The following ERG variants were observed in gnomAD, a reference collection of about 807,000 sequenced individuals.
The protein encoded by ERG is ETS transcription factor ERG.
A neutral mutation model predicts 55.3 loss-of-function variants in ERG; 9 were observed. The ratio of observed to expected loss-of-function variants is 0.16; its 90% CI spans 0.10 to 0.28. The LOEUF (loss-of-function observed/expected upper bound fraction) is 0.28, where lower values mean the gene tolerates loss of function less well. Ranked by LOEUF, ERG falls within the 10% of genes least tolerant of loss-of-function variation. The pLI, the probability that ERG is intolerant of heterozygous loss-of-function variation, is 1.00. For missense variants in ERG, 434 were observed against 631.6 expected (o/e 0.69, Z 3.35); for synonymous variants, 223 against 237.3 (o/e 0.94, Z 0.55).
chr21:38,402,685 G>T (rs528821982), intron 4 of ERG, 48 bp from the exon 5 acceptor site: 6 of 688,726 alleles, frequency 8.7e-6, no homozygotes, highest in Non-Finnish European at 1.1e-5. Context: ...AAAAAAGAGA[G>T]AGAGAGAAAG....
At chr21:38,505,323 C>T (rs564044062) in intron 2 of ERG, among the ~76,000 whole-genome samples, 6 of 152,298 alleles carry the variant, frequency 3.9e-5, no homozygotes. Flanking sequence ...ATCCTCTCCA[C>T]CTGAGCCCTC....
In ERG at chr21:38,615,618, G is replaced by T. The variant is rs1437507450; in HGVS notation, c.-149-30673C>A. Among the ~76,000 whole-genome samples, 7 of 150,352 alleles carry T rather than the reference G, an allele frequency of 4.7e-5. No individual in the cohort carries two copies. In the Admixed American group the frequency reaches 4.7e-4, roughly 10 times the overall value. On this transcript the variant is annotated intron_variant, in intron 1 of 10. Transcript: ENST00000398910. ...GAGGTAGCTATAAAGATTTTGAGAT[G>T]AAGTCTGTAAAGCATCTAGTATGTA...
intron 9 of ERG, among the ~76,000 whole-genome samples, chr21:38,386,228 G>T (rs368137660): frequency 1.6e-4 from 25 of 152,274 alleles, no homozygotes; most frequent in African/African-American, 5.5e-4. Flanking sequence ...TAAAGACATA[G>T]GGCTCAGGAC....
intron 1 of ERG, among the ~76,000 whole-genome samples, chr21:38,465,241 T>C (rs2059077928): frequency 6.6e-6 from 1 of 152,140 alleles, no homozygotes; most frequent in African/African-American, 2.4e-5. Context: ...AAGTTCCCCA[T>C]GAAAAGAGAT....
chr21:38,525,099 G>A (rs1033835108), intron 2 of ERG, among the ~76,000 whole-genome samples: 3 of 152,272 alleles, frequency 2.0e-5, no homozygotes, highest in Admixed American at 2.0e-4. Flanking sequence ...TGTGACTACA[G>A]AAAGAGACAA....
Position 38,382,286 on chromosome 21 carries a change from G to A in ERG, c.*1117C>T, listed in dbSNP as rs942779870. The A allele has an allele frequency of 3.1e-5, 33 of 1,052,960 alleles. No individual in the cohort carries two copies. Among genetic ancestry groups the A allele is most frequent in the Admixed American group, 5.5e-5 (1 of 18,264 alleles). 65.2% of individuals were successfully genotyped at this position (1,052,960 alleles called of 1,614,324 possible). On this transcript the variant is annotated 3_prime_UTR_variant, in exon 10 of 10. Transcript: ENST00000288319. ...TCATTCTGACAAACGCACAGCGTTC[G>A]CGACTCAAAGGAAAACTGGAGGCCG...
At chr21:38,585,532 C>CTGTTTTTTTTTTTTT (rs2060057686), upstream of ERG, among the ~76,000 whole-genome samples, 1 of 59,270 alleles carries the variant, frequency 1.7e-5, no homozygotes, top group African/African-American at 5.6e-5. Context: ...TCTCTCTCTT[C>CTGTTTTTTTTTTTTT]TTTTTTTTTT....
chr21:38,378,946 C>T (rs1987313870), downstream of ERG, among the ~76,000 whole-genome samples: 1 of 152,172 alleles, frequency 6.6e-6, no homozygotes, highest in Admixed American at 6.5e-5. Flanking sequence ...ACCGTAGGGG[C>T]AGTTGGAAGG....
intron 1 of ERG, among the ~76,000 whole-genome samples, chr21:38,653,231 G>C (rs545463581): frequency 6.6e-6 from 1 of 152,154 alleles, no homozygotes; most frequent in Non-Finnish European, 1.5e-5. Flanking sequence ...TCTGCATAGT[G>C]TCTTGCATGA....
chr21:38,559,745 G>A (rs752498897), intron 2 of ERG, among the ~76,000 whole-genome samples: 2 of 152,080 alleles, frequency 1.3e-5, no homozygotes, highest in African/African-American at 2.4e-5. Flanking sequence ...GCCATGGCAC[G>A]GTCTTGGCTC....
intron 1 of ERG, among the ~76,000 whole-genome samples, chr21:38,655,446 G>C (rs1377817436): frequency 6.6e-6 from 1 of 152,154 alleles, no homozygotes; most frequent in Non-Finnish European, 1.5e-5. Context: ...TGCAATGCTA[G>C]CATTGCACTA....
At chr21:38,632,413 A>C (rs1289012810) in intron 1 of ERG, among the ~76,000 whole-genome samples, 1 of 152,178 alleles carries the variant, frequency 6.6e-6, no homozygotes, top group Non-Finnish European at 1.5e-5. Context: ...ACCCTTATGC[A>C]CTGTTGATGG....
At chr21:38,581,447 C>T (rs2146876317) in intron 1 of ERG, among the ~76,000 whole-genome samples, 1 of 152,260 alleles carries the variant, frequency 6.6e-6, no homozygotes, top group East Asian at 1.9e-4. Flanking sequence ...GGGAATTTCC[C>T]AAGTGATGGG....
At chr21:38,602,974 A>G (rs1237551718) in intron 1 of ERG, among the ~76,000 whole-genome samples, 1 of 151,996 alleles carries the variant, frequency 6.6e-6, no homozygotes, top group East Asian at 1.9e-4. Flanking sequence ...GCCAGGGTCC[A>G]GGCAAGAACA....
At chr21:38,536,979 G>A (rs1411081863) in intron 2 of ERG, among the ~76,000 whole-genome samples, 1 of 152,112 alleles carries the variant, frequency 6.6e-6, no homozygotes, top group African/African-American at 2.4e-5. Context: ...ATAGAATAGA[G>A]ACTTCAGAAA....
Position 38,498,240 on chromosome 21 carries a change from T to C in ERG, c.18+123A>G, listed in dbSNP as rs1568856728. 1 of 811,450 alleles carries C rather than the reference T, an allele frequency of 1.2e-6. No individual in the cohort carries two copies. Among genetic ancestry groups the C allele is most frequent in the Admixed American group, 2.2e-5 (1 of 44,678 alleles). The allele number at this position is 811,450 out of a possible 1,614,324, so 50.3% of individuals were successfully genotyped here. A position where few individuals can be genotyped will look rare whatever the true frequency, so the allele number is the denominator to read the frequency against. ...ACTAGGCAGTGCAAAGGAAATCTTG[T>C]TGTCCTCTATTGTGGCAGTGGGGGT... On this transcript the variant is annotated intron_variant, in intron 1 of 9. Transcript: ENST00000288319. This position sits in a 1 kb window ranked among gnomAD's most constrained non-coding sequence, Gnocchi z 4.6.
chr21:38,577,112 A>G (rs1053080923), intron 1 of ERG, among the ~76,000 whole-genome samples: 3 of 152,210 alleles, frequency 2.0e-5, no homozygotes, highest in African/African-American at 7.2e-5. Flanking sequence ...AAACAATATG[A>G]TTACAGAACT....
intron 1 of ERG, among the ~76,000 whole-genome samples, chr21:38,459,561 T>C (rs2059021619): frequency 6.6e-6 from 1 of 152,202 alleles, no homozygotes; most frequent in Non-Finnish European, 1.5e-5. Flanking sequence ...TGTACCTATG[T>C]AGCCATTTTA....
intron 1 of ERG, among the ~76,000 whole-genome samples, chr21:38,650,243 A>C (rs2060480746): frequency 6.6e-6 from 1 of 152,246 alleles, no homozygotes. Flanking sequence ...CAGCTACTGG[A>C]ACTAAAAACA....
Sources: gnomAD v4.1 joint callset for allele counts (sites outside exome capture counted in the v4.1 genomes callset) on GRCh38, gnomAD v4.1.1 for gene constraint, Gnocchi (gnomAD v3.1) non-coding constraint, MANE v1.5 for transcripts, NCBI Gene and HGNC (gene_info 2026-07-23, HGNC 2026-07-21) for gene names.